Variants in PHLDB2 observed in about 807,000 individuals in gnomAD.
The protein encoded by PHLDB2 is pleckstrin homology like domain family B member 2.
Under a neutral mutation model 123.6 loss-of-function variants are expected in PHLDB2, and 71 were observed. The observed-to-expected ratio is 0.57, with a 90% CI of 0.47 to 0.70. PHLDB2 has a LOEUF of 0.70. Among genes scored for constraint, PHLDB2 ranks in the 30% least tolerant of loss-of-function variants. The pLI, the probability that PHLDB2 is intolerant of heterozygous loss-of-function variation, is 0.00. For missense variants in PHLDB2, 1,446 were observed against 1,519.5 expected (o/e 0.95, Z 0.80); for synonymous variants, 547 against 541.6 (o/e 1.01, Z -0.14).
chr3:111,817,748 A>G (rs2062158916), intron 1 of PHLDB2, among the ~76,000 whole-genome samples: 2 of 152,190 alleles, frequency 1.3e-5, no homozygotes, highest in African/African-American at 4.8e-5. Flanking sequence ...GCTGGAGACC[A>G]TGACTTCTCA....
chr3:111,815,203 A>G (rs4515020), intron 1 of PHLDB2, among the ~76,000 whole-genome samples: 49,493 of 151,946 alleles, frequency 0.33, 8,434 homozygotes, highest in East Asian at 0.42. Flanking sequence ...GCCCAGTCTC[A>G]GGTATGTCTT....
chr3:111,756,461 G>A (rs1471729830), intron 1 of PHLDB2, among the ~76,000 whole-genome samples: 2 of 152,146 alleles, frequency 1.3e-5, no homozygotes, highest in Non-Finnish European at 2.9e-5. Context: ...TCAGAGACTA[G>A]GATTGCAACC....
intron 1 of PHLDB2, among the ~76,000 whole-genome samples, chr3:111,825,189 T>C (rs75096198): frequency 5.1e-4 from 78 of 152,326 alleles, no homozygotes; most frequent in African/African-American, 1.9e-3. Context: ...TACAAATCAC[T>C]GTAGGACAAT....
chr3:111,744,391 A>G (rs1465642374), intron 1 of PHLDB2, among the ~76,000 whole-genome samples: 1 of 152,208 alleles, frequency 6.6e-6, no homozygotes, highest in Non-Finnish European at 1.5e-5. Flanking sequence ...GTCAAAACAT[A>G]TTTTAAAATG....
In PHLDB2 at chr3:111,885,151, A is replaced by G. The variant is rs2066092247; in HGVS notation, c.1074A>G (p.Ser358=). The G allele has an allele frequency of 1.9e-6, 3 of 1,614,036 alleles. No individual in the cohort carries two copies. The highest frequency in any genetic ancestry group is 2.2e-5 in the South Asian group (2 of 91,080). ...SCASDDFDQA[S]YVGTNPSHSL... The stretch of plus-strand genomic sequence containing the variant: ...CCTCTGATGACTTTGATCAGGCTTC[A>G]TATGTGGGGACAAACCCGAGTCATT... Residue 358 remains serine, a synonymous_variant, in exon 2 of 18, where the codon TCA becomes TCG. Coordinates refer to ENST00000431670, the MANE Select transcript of PHLDB2 (RefSeq NM_001134438.2).
rs2107332948 is a variant in PHLDB2, at chr3:111,884,609, G to A, written c.532G>A (p.Ala178Thr). 1 of 1,614,116 alleles carries A rather than the reference G, an allele frequency of 6.2e-7. No homozygotes were observed. The highest frequency in any genetic ancestry group is 8.5e-7 in the Non-Finnish European group (1 of 1,180,012). ...TCGGAAGGCATCTGGCTCGCTCCTG[G>A]CCATGTGGAATGGAAGTTCCCTGAG... is the stretch of plus-strand genomic sequence containing the variant. Reference protein sequence around the residue: ...EGRKASGSLLAMWNGSSLSDA... With the variant: ...EGRKASGSLLTMWNGSSLSDA... Residue 178 changes from alanine to threonine, a missense_variant, in exon 2 of 18, where the codon GCC becomes ACC. Ala to Thr is a moderately conservative substitution (Grantham distance 58). Coordinates refer to ENST00000431670, the MANE Select transcript of PHLDB2 (RefSeq NM_001134438.2).
Position 111,884,371 on chromosome 3 carries a change from A to T in PHLDB2, c.294A>T (p.Gly98=), listed in dbSNP as rs756590667. The T allele has an allele frequency of 7.4e-6, 12 of 1,614,108 alleles. No homozygotes were observed. The South Asian group carries it at 1.3e-4, about 18-fold the overall frequency. ...IQGSKQFSYD[G]TDKNIPMKPP... ...GAAGCAAGCAGTTCTCTTATGATGGAACTGACAAAAATATTCCTATGAAAC... is the reference window on the plus strand; with the variant it reads ...GAAGCAAGCAGTTCTCTTATGATGGTACTGACAAAAATATTCCTATGAAAC... Residue 98 remains glycine, a synonymous_variant, in exon 2 of 18, where the codon GGA becomes GGT. Coordinates refer to ENST00000431670, the MANE Select transcript of PHLDB2 (RefSeq NM_001134438.2).
chr3:111,814,922 A>C (rs920243267), intron 1 of PHLDB2, among the ~76,000 whole-genome samples: 2 of 152,230 alleles, frequency 1.3e-5, no homozygotes, highest in African/African-American at 4.8e-5. Context: ...TAACTTCCAC[A>C]GTTCCCACGT....
At chr3:111,786,735 A>G (rs527509510) in intron 1 of PHLDB2, among the ~76,000 whole-genome samples, 1 of 152,246 alleles carries the variant, frequency 6.6e-6, no homozygotes, top group East Asian at 1.9e-4. Context: ...ACAGTTTGTC[A>G]TTCTAAAATG....
Position 111,834,810 on chromosome 3 carries a change from A to G in PHLDB2, c.-48-11011A>G, listed in dbSNP as rs543906424. Among the ~76,000 whole-genome samples, 7 of 152,106 alleles carry G rather than the reference A, an allele frequency of 4.6e-5. No homozygotes were observed. In the East Asian group the frequency reaches 1.4e-3, roughly 29 times the overall value. On this transcript the variant is annotated intron_variant, in intron 1 of 17. Coordinates refer to the PHLDB2 transcript ENST00000393923. ...ATTTCCTTTGTAATATCATCCTGCA[A>G]TTTATTCCTGACCTGATATCCCCTT...
chr3:111,829,530 C>T (rs577902794), intron 1 of PHLDB2, among the ~76,000 whole-genome samples: 44 of 126,898 alleles, frequency 3.5e-4, no homozygotes, highest in African/African-American at 1.3e-3. Flanking sequence ...GTGGTATGAT[C>T]TCAGCTCACT....
At chr3:111,936,932 A>C (rs1461666499) in intron 6 of PHLDB2, among the ~76,000 whole-genome samples, 1 of 152,240 alleles carries the variant, frequency 6.6e-6, no homozygotes, top group Non-Finnish European at 1.5e-5. Context: ...AAGCCATAAC[A>C]CTTGAGTTAG....
At chr3:111,814,952 G>A (rs1302596364) in intron 1 of PHLDB2, among the ~76,000 whole-genome samples, 1 of 152,186 alleles carries the variant, frequency 6.6e-6, no homozygotes, top group African/African-American at 2.4e-5. Flanking sequence ...GGAACCTGGT[G>A]GGAGGTGATT....
At chr3:111,870,071 A>T (rs1329415642) in intron 1 of PHLDB2, among the ~76,000 whole-genome samples, 2 of 152,194 alleles carry the variant, frequency 1.3e-5, no homozygotes, top group South Asian at 2.1e-4. Flanking sequence ...CTGCTGTGAG[A>T]TATAAAATCT....
At position 111,896,918 on chromosome 3, in the gene PHLDB2, T is replaced by A. The variant is rs200730322; in HGVS notation, c.1335+11506T>A. Among the ~76,000 whole-genome samples, 10 of 152,250 alleles carry A rather than the reference T, an allele frequency of 6.6e-5. No homozygotes were observed. The East Asian group carries it at 1.9e-3, about 29-fold the overall frequency. On this transcript the variant is annotated intron_variant, in intron 2 of 17. Coordinates refer to ENST00000431670, the MANE Select transcript of PHLDB2 (RefSeq NM_001134438.2). ...TGAATAATCGGAGATTCACAAGCAA[T>A]CATAGGACGTAATTCAAAGGGATCC...
intron 1 of PHLDB2, among the ~76,000 whole-genome samples, chr3:111,875,183 T>C (rs1406275168): frequency 1.3e-5 from 2 of 152,076 alleles, no homozygotes; most frequent in African/African-American, 2.4e-5. Flanking sequence ...GGAGTTTTGC[T>C]TGTTGCCCAG....
In PHLDB2 at chr3:111,837,965, C is replaced by G. The variant is rs748017107; in HGVS notation, c.-48-7856C>G. Among the ~76,000 whole-genome samples the G allele has an allele frequency of 3.9e-5, 6 of 151,992 alleles. No individual in the cohort carries two copies. In the South Asian group the frequency reaches 1.2e-3, roughly 32 times the overall value. ...ACTGCAGCATGAGAATCACTTGAACCCGGGAGGTGGAGGTTGCAGTAAGCT... is the reference window on the plus strand; with the variant it reads ...ACTGCAGCATGAGAATCACTTGAACGCGGGAGGTGGAGGTTGCAGTAAGCT... On this transcript the variant is annotated intron_variant, in intron 1 of 17. Transcript: ENST00000393923.
chr3:111,911,173 T>C (rs2067860245), intron 2 of PHLDB2, among the ~76,000 whole-genome samples: 1 of 152,194 alleles, frequency 6.6e-6, no homozygotes, highest in South Asian at 2.1e-4. Context: ...TGAACAGAAA[T>C]ATCTTTCATG....
chr3:111,750,796 A>C (rs578261414), intron 1 of PHLDB2, among the ~76,000 whole-genome samples: 2 of 152,126 alleles, frequency 1.3e-5, no homozygotes, highest in South Asian at 2.1e-4. Flanking sequence ...AAATACAAAA[A>C]TTAGCCGGGC....
Sources: gnomAD v4.1 joint callset for allele counts (sites outside exome capture counted in the v4.1 genomes callset) on GRCh38, gnomAD v4.1.1 for gene constraint, MANE v1.5 for transcripts, NCBI Gene and HGNC (gene_info 2026-07-23, HGNC 2026-07-21) for gene names.